RLIM: variants seen among roughly 807,000 people sequenced by gnomAD.
RLIM encodes ring finger protein, LIM domain interacting, also known as E3 ubiquitin-protein ligase RLIM.
RLIM carries 2 observed loss-of-function variants against 34.0 expected under a neutral mutation model. The observed-to-expected ratio is 0.06, with a 90% CI of 0.02 to 0.19. The LOEUF (loss-of-function observed/expected upper bound fraction) is 0.19, where lower values mean the gene tolerates loss of function less well. Ranked by LOEUF, RLIM falls within the 10% of genes least tolerant of loss-of-function variation. The pLI, the probability that RLIM is intolerant of heterozygous loss-of-function variation, is 1.00. For missense variants in RLIM, 286 were observed against 479.7 expected, an observed-to-expected ratio of 0.60 and a Z score of 3.77; for synonymous variants, 169 against 164.0, an observed-to-expected ratio of 1.03 and a Z score of -0.23.
chrX:74,594,177 T>C, intron 3 of RLIM, 129 bp downstream of exon 3: 1 of 398,881 alleles, frequency 2.5e-6, no homozygotes, highest in Non-Finnish European at 4.2e-6. Context: ...TCAGTTTTCT[T>C]TTTATGAGCA....
chrX:74,594,415 G>A, intron 2 of RLIM, 26 bp from the exon 3 acceptor site: 1 of 1,034,511 alleles, frequency 9.7e-7, no homozygotes, highest in East Asian at 3.1e-5. Flanking sequence ...ACAGGGCAAA[G>A]ATGACATTAG....
intron 2 of RLIM, 43 bp downstream of exon 2, chrX:74,595,766 C>T: frequency 1.0e-6 from 1 of 999,721 alleles, no homozygotes; most frequent in Non-Finnish European, 1.3e-6. Context: ...TTTTTTAAAC[C>T]AGCAACTTAC....
At chrX:74,594,742 T>G (rs1296888869) in intron 2 of RLIM, among the ~76,000 whole-genome samples, 1 of 108,888 alleles carries the variant, frequency 9.2e-6, no homozygotes, top group African/African-American at 3.4e-5. Context: ...CTACTAAAAA[T>G]ACAAAAATTA....
At position 74,594,317 on chromosome X, in the gene RLIM, T is replaced by C; in HGVS notation, c.242A>G (p.Asp81Gly). The stretch of plus-strand genomic sequence containing the variant: ...AAACCAAAACATACCTCTATTTTCA[T>C]CTGAGTTTTGCGGTGGTGGGCCTTC... Reference protein sequence around the residue: ...IKEGPPPQNSDENRGGDSSDD... With the variant: ...IKEGPPPQNSGENRGGDSSDD... The change falls in exon 3 of 4, where the codon GAT (aspartate) becomes GGT (glycine). Residue 81 changes from aspartate to glycine, a missense_variant. By Grantham distance (94) the Asp-to-Gly change is moderately conservative (BLOSUM62 -1). Coordinates refer to ENST00000332687, the MANE Select transcript of RLIM (RefSeq NM_016120.4). 1 of 1,206,136 alleles carries C rather than the reference T, an allele frequency of 8.3e-7. No homozygotes were observed. The highest frequency in any genetic ancestry group is 1.1e-6 in the Non-Finnish European group (1 of 893,133).
At chrX:74,611,308 T>G (rs1159973828) in intron 1 of RLIM, among the ~76,000 whole-genome samples, 1 of 112,125 alleles carries the variant, frequency 8.9e-6, no homozygotes, top group Non-Finnish European at 1.9e-5. Flanking sequence ...AAAATTAATG[T>G]ACATATAATA....
chrX:74,603,987 T>C (rs2079672149), intron 1 of RLIM, among the ~76,000 whole-genome samples: 1 of 109,112 alleles, frequency 9.2e-6, no homozygotes, highest in Non-Finnish European at 1.9e-5. Context: ...CAGGCACCCA[T>C]AGTCCCAGCT....
rs774464973 is a variant in RLIM at position 74,595,954 on chromosome X, G to A, written c.24C>T (p.Asp8=). The change falls in exon 2 of 4, where the codon GAC becomes GAT. Residue 8 remains aspartate (D), a synonymous_variant. Coordinates refer to ENST00000332687, the MANE Select transcript of RLIM (RefSeq NM_016120.4). ...CTGCAGACTGATCACCACTTCCTTT[G>A]TCATTGGAATCTGAGTTTTCCATAT... The part of the protein sequence containing the change: MENSDSN[D]KGSGDQSAAQ... 2.5e-6 allele frequency: 3 copies of A among 1,187,900 alleles called. No homozygotes were observed. The South Asian group carries it at 5.8e-5, about 23-fold the overall frequency.
Position 74,583,275 on chromosome X carries a change from G to C in RLIM, c.*8165C>G, listed in dbSNP as rs1931256684. The C allele has an allele frequency of 9.8e-7, 1 of 1,016,549 alleles. No individual in the cohort carries two copies. Among genetic ancestry groups the C allele is most frequent in the Non-Finnish European group, 1.4e-6 (1 of 716,231 alleles). The allele number at this position is 1,016,549 out of a possible 1,213,427, so 83.8% of individuals were successfully genotyped here. ...GCCAGTGATTTTACCGGCAAGAGTAGGGTGCATGGCTTGAATAAGAGGAAA... is the reference window on the plus strand; with the variant it reads ...GCCAGTGATTTTACCGGCAAGAGTACGGTGCATGGCTTGAATAAGAGGAAA... On this transcript the variant is annotated 3_prime_UTR_variant, in exon 4 of 4. Coordinates refer to ENST00000332687, the MANE Select transcript of RLIM (RefSeq NM_016120.4).
At chrX:74,614,093 G>A (rs1429138816) in intron 1 of RLIM, among the ~76,000 whole-genome samples, 1 of 110,092 alleles carries the variant, frequency 9.1e-6, no homozygotes, top group Non-Finnish European at 1.9e-5. Context: ...CTAAGATTCT[G>A]ACGCCTGAGG....
chrX:74,586,301 T>C lies in RLIM; in HGVS notation c.*5139A>G, dbSNP rs1203022963. On this transcript the variant is annotated 3_prime_UTR_variant, in exon 4 of 4. Coordinates refer to ENST00000332687, the MANE Select transcript of RLIM (RefSeq NM_016120.4). The stretch of plus-strand genomic sequence containing the variant: ...GCTGGACAGCTGGTTCAACCATACC[T>C]TGGTATTGAAATAATTCTGCAAGAT... The C allele has an allele frequency of 8.9e-6, 1 of 111,807 alleles. No homozygotes were observed. The highest frequency in any genetic ancestry group is 1.9e-5 in the Non-Finnish European group (1 of 53,238). The allele number at this position is 111,807 out of a possible 1,213,427, so 9.2% of individuals were successfully genotyped here. A position where few individuals can be genotyped will look rare whatever the true frequency, so the allele number is the denominator to read the frequency against.
At chrX:74,602,213 T>A (rs1404350244) in intron 1 of RLIM, among the ~76,000 whole-genome samples, 1 of 111,222 alleles carries the variant, frequency 9.0e-6, no homozygotes, top group Admixed American at 9.6e-5. Context: ...GGACACTTTA[T>A]GAAGGGCTAT....
At chrX:74,608,487 T>C (rs1020037313) in intron 1 of RLIM, among the ~76,000 whole-genome samples, 3 of 109,535 alleles carry the variant, frequency 2.7e-5, no homozygotes, top group Non-Finnish European at 5.7e-5. Flanking sequence ...CCTTATTGCA[T>C]GATACCTCTC....
Position 74,586,703 on chromosome X carries a change from T to C in RLIM, c.*4737A>G, listed in dbSNP as rs1231697715. On this transcript the variant is annotated 3_prime_UTR_variant, in exon 4 of 4. Transcript: ENST00000332687. ...TTAGAACTGTTCCAGTTAAGGAAAA[T>C]AATTCTTAATTTCATAATCCTAAAA... is the stretch of plus-strand genomic sequence containing the variant. The C allele has an allele frequency of 8.9e-6, 1 of 112,634 alleles. No homozygotes were observed. Among genetic ancestry groups the C allele is most frequent in the Admixed American group, 9.4e-5 (1 of 10,614 alleles). The allele number at this position is 112,634 out of a possible 1,213,427, so 9.3% of individuals were successfully genotyped here.
chrX:74,587,174 T>C lies in RLIM; in HGVS notation c.*4266A>G, dbSNP rs945369887. 1.8e-5 allele frequency: 2 copies of C among 112,260 alleles called. No individual in the cohort carries two copies. The highest frequency in any genetic ancestry group is 9.5e-5 in the Admixed American group (1 of 10,541). 9.3% of individuals were successfully genotyped at this position (112,260 alleles called of 1,213,427 possible). On this transcript the variant is annotated 3_prime_UTR_variant, in exon 4 of 4. Coordinates refer to ENST00000332687, the MANE Select transcript of RLIM (RefSeq NM_016120.4). ...ACTTTTTTCCAAATGAAGTATGCTG[T>C]CAATTTACATTTTTCATGTTTTTTC... is the stretch of plus-strand genomic sequence containing the variant.
chrX:74,591,549 G>C lies in RLIM; in HGVS notation c.1766C>G (p.Ser589Cys). ...GATGCAGTGGACATGGTACTCATGGGAACAAGGTAGTTTACGAAGTTTGTT... is the reference window on the plus strand; with the variant it reads ...GATGCAGTGGACATGGTACTCATGGCAACAAGGTAGTTTACGAAGTTTGTT... ...EGNKLRKLPC[S>C]HEYHVHCIDR... Residue 589 changes from serine (S) to cysteine (C), a missense_variant, in exon 4 of 4, where the codon TCC (serine) becomes TGC (cysteine). Coordinates refer to ENST00000332687, the MANE Select transcript of RLIM (RefSeq NM_016120.4). 8.3e-7 allele frequency: 1 copy of C among 1,211,065 alleles called. No individual in the cohort carries two copies. The highest frequency in any genetic ancestry group is 1.1e-6 in the Non-Finnish European group (1 of 894,723).
chrX:74,586,557 CTGTGAT>C lies in RLIM; in HGVS notation c.*4877_*4882del, dbSNP rs762594371. On this transcript the variant is annotated 3_prime_UTR_variant, in exon 4 of 4. Transcript: ENST00000332687. ...AATTATAAAACCGATACAAACTGTT[CTGTGAT>C]TATCACTTGACAGTTCTAACACTGT... The C allele has an allele frequency of 9.8e-5, 11 of 112,513 alleles. No homozygotes were observed. Among genetic ancestry groups the C allele is most frequent in the African/African-American group, 3.5e-4 (11 of 31,040 alleles). 9.3% of individuals were successfully genotyped at this position (112,513 alleles called of 1,213,427 possible).
rs1206899222 is a variant in RLIM, at chrX:74,590,331, A to G, written c.*1109T>C. ...GCTTCATCTACTCAGGTAGAATACC[A>G]GGTCAAGCTGCTGCTGTGGCTGCTC... On this transcript the variant is annotated 3_prime_UTR_variant, in exon 4 of 4. Coordinates refer to ENST00000332687, the MANE Select transcript of RLIM (RefSeq NM_016120.4). 1 of 112,311 alleles carries G rather than the reference A, an allele frequency of 8.9e-6. No individual in the cohort carries two copies. 9.3% of individuals were successfully genotyped at this position (112,311 alleles called of 1,213,427 possible). A position where few individuals can be genotyped will look rare whatever the true frequency, so the allele number is the denominator to read the frequency against.
intron 1 of RLIM, among the ~76,000 whole-genome samples, chrX:74,600,932 G>A (rs1350887501): frequency 9.1e-6 from 1 of 109,743 alleles, no homozygotes; most frequent in Non-Finnish European, 1.9e-5. Context: ...GCTGAGGCAG[G>A]AGAATCACTT....
chrX:74,593,530 G>A (rs978280084), intron 3 of RLIM, among the ~76,000 whole-genome samples: 1 of 112,399 alleles, frequency 8.9e-6, no homozygotes, highest in Admixed American at 9.4e-5. Context: ...TAAAATACAG[G>A]ACTATTTATT....
Sources: gnomAD v4.1 joint callset for allele counts (sites outside exome capture counted in the v4.1 genomes callset) on GRCh38, gnomAD v4.1.1 for gene constraint, MANE v1.5 for transcripts, NCBI Gene and HGNC (gene_info 2026-07-23, HGNC 2026-07-21) for gene names.